CAMTA1: variants seen among roughly 807,000 people sequenced by gnomAD.
CAMTA1 encodes calmodulin-binding transcription activator 1.
A neutral mutation model predicts 170.9 loss-of-function variants in CAMTA1; 27 were observed. The observed-to-expected ratio is 0.16, with a 90% CI of 0.12 to 0.22. The LOEUF (loss-of-function observed/expected upper bound fraction) is 0.22, where lower values mean the gene tolerates loss of function less well. Ranked by LOEUF, CAMTA1 falls within the 10% of genes least tolerant of loss-of-function variation. CAMTA1 has a pLI of 1.00. For missense variants in CAMTA1, 1,619 were observed against 2,217.2 expected (o/e 0.73, Z 5.42); for synonymous variants, 833 against 891.5 (o/e 0.93, Z 1.17).
At chr1:7,275,969 A>G (rs1670527313) in intron 5 of CAMTA1, among the ~76,000 whole-genome samples, 1 of 152,086 alleles carries the variant, frequency 6.6e-6, no homozygotes, top group South Asian at 2.1e-4. Context: ...ATCTCTCATG[A>G]ACATAGATGT....
chr1:6,954,588 G>A (rs1032763077), intron 3 of CAMTA1, among the ~76,000 whole-genome samples: 3 of 152,216 alleles, frequency 2.0e-5, no homozygotes, highest in Admixed American at 6.5e-5. Context: ...ATAGTAGCCC[G>A]AGTGGTGGGG....
chr1:7,106,872 C>G (rs2148332109), intron 4 of CAMTA1, among the ~76,000 whole-genome samples: 1 of 152,032 alleles, frequency 6.6e-6, no homozygotes, highest in South Asian at 2.1e-4. Flanking sequence ...TGGTGTGACT[C>G]AGGGAGGCAC....
intron 6 of CAMTA1, among the ~76,000 whole-genome samples, chr1:7,624,680 G>T (rs529976559): frequency 1.3e-5 from 2 of 152,312 alleles, no homozygotes; most frequent in South Asian, 4.1e-4. Context: ...ACCCACCACT[G>T]ATTCAACCAA....
At chr1:7,648,114 C>A (rs555768048) in intron 7 of CAMTA1, among the ~76,000 whole-genome samples, 1 of 152,054 alleles carries the variant, frequency 6.6e-6, no homozygotes, top group Non-Finnish European at 1.5e-5. Context: ...GAGAAGAGGG[C>A]TGGACATGGT....
intron 5 of CAMTA1, among the ~76,000 whole-genome samples, chr1:7,306,848 A>C (rs973402122): frequency 2.6e-5 from 4 of 151,974 alleles, no homozygotes; most frequent in Non-Finnish European, 5.9e-5. Flanking sequence ...TTCAGAAAAA[A>C]TAACAACAAT....
rs2095363470 is a variant in CAMTA1, at chr1:7,592,580, G to A, written c.511-47820G>A. ...GACTCTTAGGGACACAGGGCCGTGG[G>A]AAAGACCTGCTGTCCTGCAAGCCAC... is the stretch of plus-strand genomic sequence containing the variant. On this transcript the variant is annotated intron_variant, in intron 6 of 22. Coordinates refer to ENST00000303635, the MANE Select transcript of CAMTA1 (RefSeq NM_015215.4). The surrounding 1 kb of genome is among the most constrained non-coding windows in gnomAD (Gnocchi z 4.6). Among the ~76,000 whole-genome samples the A allele has an allele frequency of 6.6e-6, 1 of 152,168 alleles. No homozygotes were observed. The highest frequency in any genetic ancestry group is 6.5e-5 in the Admixed American group (1 of 15,278).
intron 6 of CAMTA1, among the ~76,000 whole-genome samples, chr1:7,624,186 G>A (rs770077549): frequency 2.6e-5 from 4 of 152,238 alleles, no homozygotes; most frequent in East Asian, 1.9e-4. Context: ...GGGTCTCCCC[G>A]CTAAGGGGTT....
rs1285528215 is a variant in CAMTA1 at position 7,482,023 on chromosome 1, T to C, written c.510+14122T>C. On this transcript the variant is annotated intron_variant, in intron 6 of 22. Transcript: ENST00000303635. The surrounding 1 kb of genome is among the most constrained non-coding windows in gnomAD (Gnocchi z 4.2). ...CAGAGGCCACCACTGTTCTGATTTCTCCACTATAGGTTCATTTTTTCTGTT... is the reference window on the plus strand; with the variant it reads ...CAGAGGCCACCACTGTTCTGATTTCCCCACTATAGGTTCATTTTTTCTGTT... Among the ~76,000 whole-genome samples the C allele has an allele frequency of 6.6e-6, 1 of 152,152 alleles. No individual in the cohort carries two copies. Among genetic ancestry groups the C allele is most frequent in the African/African-American group, 2.4e-5 (1 of 41,432 alleles).
At chr1:7,241,234 C>G (rs545623259) in intron 4 of CAMTA1, among the ~76,000 whole-genome samples, 15 of 152,230 alleles carry the variant, frequency 9.9e-5, no homozygotes, top group African/African-American at 3.6e-4. Context: ...ATGTAAGTTA[C>G]AAAGTGTAAA....
At position 7,664,740 on chromosome 1, in the gene CAMTA1, C is replaced by A. The variant is rs763908263; in HGVS notation, c.2193C>A (p.Gly731=). Residue 731 remains glycine, a synonymous_variant, in exon 9 of 23, where the codon GGC becomes GGA. Transcript: ENST00000303635. The part of the protein sequence containing the change: ...PETNGVIRSA[G]GVPILPGNVV... ...CCAACGGGGTAATCCGAAGCGCCGG[C>A]GGCGTCCCCATCCTCCCGGGCAACG... 1 of 1,608,254 alleles carries A rather than the reference C, an allele frequency of 6.2e-7. No homozygotes were observed. The highest frequency in any genetic ancestry group is 1.7e-5 in the Admixed American group (1 of 59,870).
In CAMTA1 at chr1:7,064,364, G is replaced by A. The variant is rs1187933744; in HGVS notation, c.235-26940G>A. Among the ~76,000 whole-genome samples the A allele has an allele frequency of 6.6e-6, 1 of 152,000 alleles. No individual in the cohort carries two copies. The highest frequency in any genetic ancestry group is 6.6e-5 in the Admixed American group (1 of 15,244). On this transcript the variant is annotated intron_variant, in intron 3 of 22. Transcript: ENST00000303635. This position sits in a 1 kb window ranked among gnomAD's most constrained non-coding sequence, Gnocchi z 5.4. ...TTCATGACTTGTCTCATATTAATTAGCTTCTGAAGATCTCACCTCCAAATA... is the reference window on the plus strand; with the variant it reads ...TTCATGACTTGTCTCATATTAATTAACTTCTGAAGATCTCACCTCCAAATA...
At chr1:7,230,324 A>G (rs1662499380) in intron 4 of CAMTA1, among the ~76,000 whole-genome samples, 2 of 151,796 alleles carry the variant, frequency 1.3e-5, no homozygotes, top group Non-Finnish European at 2.9e-5. Flanking sequence ...AGAGGAAGAA[A>G]GAGTCTTTGA....
chr1:7,214,917 C>G (rs1659490412), intron 4 of CAMTA1, among the ~76,000 whole-genome samples: 1 of 151,312 alleles, frequency 6.6e-6, no homozygotes, highest in African/African-American at 2.4e-5. Flanking sequence ...GTTGAAAAGG[C>G]TATCTTTCAA....
intron 4 of CAMTA1, among the ~76,000 whole-genome samples, chr1:7,112,856 T>G (rs1405038850): frequency 6.6e-6 from 1 of 152,224 alleles, no homozygotes; most frequent in Non-Finnish European, 1.5e-5. Context: ...GTTTGTTTCT[T>G]CCACTTTCCA....
chr1:6,922,307 T>C (rs1008622685), intron 3 of CAMTA1, among the ~76,000 whole-genome samples: 1 of 152,210 alleles, frequency 6.6e-6, no homozygotes, highest in African/African-American at 2.4e-5. Flanking sequence ...GTTTCAGTTA[T>C]TTCTGGCTTC....
chr1:7,660,468 G>A (rs1192925551), intron 7 of CAMTA1, among the ~76,000 whole-genome samples: 2 of 152,200 alleles, frequency 1.3e-5, no homozygotes, highest in Non-Finnish European at 2.9e-5. Flanking sequence ...AACCCACGAG[G>A]CCGAGTCTAC....
intron 3 of CAMTA1, among the ~76,000 whole-genome samples, chr1:7,026,932 G>C (rs527668438): frequency 6.6e-6 from 1 of 152,258 alleles, no homozygotes; most frequent in South Asian, 2.1e-4. Flanking sequence ...CCGGCCAGTA[G>C]CTGTTTTTAC....
intron 4 of CAMTA1, among the ~76,000 whole-genome samples, chr1:7,199,348 T>C (rs1296009785): frequency 6.6e-6 from 1 of 152,210 alleles, no homozygotes; most frequent in Non-Finnish European, 1.5e-5. Flanking sequence ...ACCACTTCTT[T>C]TGTTACTCAG....
At chr1:7,104,467 T>G (rs1015906655) in intron 4 of CAMTA1, among the ~76,000 whole-genome samples, 1 of 152,208 alleles carries the variant, frequency 6.6e-6, no homozygotes, top group African/African-American at 2.4e-5. Context: ...TCCTGTTAGC[T>G]GCTGTCAGCA....
Sources: gnomAD v4.1 joint callset for allele counts (sites outside exome capture counted in the v4.1 genomes callset) on GRCh38, gnomAD v4.1.1 for gene constraint, Gnocchi (gnomAD v3.1) non-coding constraint, MANE v1.5 for transcripts, NCBI Gene and HGNC (gene_info 2026-07-23, HGNC 2026-07-21) for gene names.